The following ST8SIA6 variants were observed in gnomAD, a reference collection of about 807,000 sequenced individuals.
The protein encoded by ST8SIA6 is alpha-2,8-sialyltransferase 8F.
Under a neutral mutation model 33.6 loss-of-function variants are expected in ST8SIA6, and 39 were observed. The observed-to-expected ratio is 1.16, with a 90% CI of 0.90 to 1.52. ST8SIA6 has a LOEUF of 1.52. Among genes scored for constraint, ST8SIA6 ranks in the 40% most tolerant of loss-of-function variants. The probability of loss-of-function intolerance (pLI) is 0.00; values close to 1 mark genes in which losing one functional copy is unlikely to be tolerated. For synonymous variants in ST8SIA6, 172 were observed against 167.2 expected (o/e 1.03, Z -0.22); for missense variants, 441 against 443.8 (o/e 0.99, Z 0.06).
intron 6 of ST8SIA6, among the ~76,000 whole-genome samples, chr10:17,326,810 C>T (rs1848144997): frequency 6.6e-6 from 1 of 152,184 alleles, no homozygotes; most frequent in South Asian, 2.1e-4. Context: ...CATATATAAA[C>T]ATAGCACATT....
chr10:17,454,409 A>G lies in ST8SIA6; in HGVS notation c.-154T>C, dbSNP rs1314585274. On this transcript the variant is annotated 5_prime_UTR_variant, in exon 1 of 8. Coordinates refer to ENST00000377602, the MANE Select transcript of ST8SIA6 (RefSeq NM_001004470.3). This position sits in a 1 kb window ranked among gnomAD's most constrained non-coding sequence, Gnocchi z 4.1. ...ACAGGCGGCAGCGAGGGGCGCCCGC[A>G]GCCCACCCGGCAGAGTCTCCGCGGC... is the stretch of plus-strand genomic sequence containing the variant. 4 of 158,606 alleles carry G rather than the reference A, an allele frequency of 2.5e-5. No homozygotes were observed. The highest frequency in any genetic ancestry group is 4.8e-5 in the African/African-American group (2 of 41,368). 9.8% of individuals were successfully genotyped at this position (158,606 alleles called of 1,614,324 possible).
chr10:17,389,174 C>G (rs951576498), intron 3 of ST8SIA6, among the ~76,000 whole-genome samples: 5 of 152,146 alleles, frequency 3.3e-5, no homozygotes, highest in Admixed American at 2.6e-4. Flanking sequence ...GCCTACCCTC[C>G]AAATTATCTC....
intron 7 of ST8SIA6, 126 bp downstream of exon 7, chr10:17,322,939 T>G (rs188558427): frequency 1.7e-5 from 13 of 754,804 alleles, no homozygotes; most frequent in Non-Finnish European, 2.4e-5. Flanking sequence ...CTTATATATT[T>G]TTCCAAAAAC....
At chr10:17,371,777 C>A (rs1433669899) in intron 3 of ST8SIA6, among the ~76,000 whole-genome samples, 1 of 83,290 alleles carries the variant, frequency 1.2e-5, no homozygotes, top group Admixed American at 1.4e-4. Context: ...CAGAGCAAGA[C>A]TCCATTAAAA....
intron 4 of ST8SIA6, among the ~76,000 whole-genome samples, chr10:17,333,714 T>G (rs1374925023): frequency 5.0e-5 from 2 of 40,164 alleles, no homozygotes; most frequent in African/African-American, 1.9e-4. Context: ...TATATATATA[T>G]ATATTTTTTT....
chr10:17,322,430 A>G (rs575592994), intron 7 of ST8SIA6, among the ~76,000 whole-genome samples: 1 of 152,186 alleles, frequency 6.6e-6, no homozygotes, highest in South Asian at 2.1e-4. Flanking sequence ...TATAATCGTG[A>G]GTGTTTAGAA....
intron 2 of ST8SIA6, among the ~76,000 whole-genome samples, chr10:17,392,139 G>A (rs1850639622): frequency 6.6e-6 from 1 of 152,182 alleles, no homozygotes; most frequent in African/African-American, 2.4e-5. Flanking sequence ...TTCCCTAATG[G>A]AGCTTGCAGT....
chr10:17,344,763 AG>A (rs1251107279), intron 4 of ST8SIA6, among the ~76,000 whole-genome samples: 2 of 152,166 alleles, frequency 1.3e-5, no homozygotes, highest in Non-Finnish European at 2.9e-5. Flanking sequence ...CTCCCTCGCA[AG>A]GGCCAGGGAA....
chr10:17,371,318 C>T (rs1849723996), intron 3 of ST8SIA6, among the ~76,000 whole-genome samples: 1 of 152,048 alleles, frequency 6.6e-6, no homozygotes, highest in South Asian at 2.1e-4. Flanking sequence ...TACAAATCTG[C>T]AAAGAGGTTC....
chr10:17,349,040 G>C (rs1459490828), intron 4 of ST8SIA6, among the ~76,000 whole-genome samples: 1 of 152,184 alleles, frequency 6.6e-6, no homozygotes, highest in African/African-American at 2.4e-5. Flanking sequence ...GGAGGGACAA[G>C]CCACAGACAG....
chr10:17,422,192 TGAA>T (rs1300121047), intron 2 of ST8SIA6, among the ~76,000 whole-genome samples: 1 of 152,144 alleles, frequency 6.6e-6, no homozygotes, highest in Non-Finnish European at 1.5e-5. Flanking sequence ...AACTGAATAT[TGAA>T]GAGCAAAATA....
chr10:17,444,632 A>G (rs1384514966), intron 2 of ST8SIA6, among the ~76,000 whole-genome samples: 1 of 152,136 alleles, frequency 6.6e-6, no homozygotes, highest in African/African-American at 2.4e-5. Context: ...GTAGCCCTCT[A>G]CCTGGGCCAG....
chr10:17,323,727 T>C (rs1848037697), intron 6 of ST8SIA6, among the ~76,000 whole-genome samples: 1 of 152,176 alleles, frequency 6.6e-6, no homozygotes, highest in Non-Finnish European at 1.5e-5. Context: ...GGATAATAAC[T>C]TTTATAAGTA....
chr10:17,343,691 C>A (rs1324453775), intron 4 of ST8SIA6, among the ~76,000 whole-genome samples: 1 of 151,996 alleles, frequency 6.6e-6, no homozygotes, highest in Non-Finnish European at 1.5e-5. Context: ...CCACAGAAAC[C>A]AAGGATTATA....
chr10:17,415,645 T>C (rs11813969), intron 2 of ST8SIA6, among the ~76,000 whole-genome samples: 3,548 of 152,186 alleles, frequency 0.023, 144 homozygotes, highest in African/African-American at 0.081. Flanking sequence ...ATAATATATG[T>C]GTTAGCCTTT....
At chr10:17,329,552 C>G (rs1848232944) in intron 5 of ST8SIA6, among the ~76,000 whole-genome samples, 1 of 152,106 alleles carries the variant, frequency 6.6e-6, no homozygotes, top group South Asian at 2.1e-4. Flanking sequence ...CAGCCAGTAT[C>G]TACTAAATGG....
chr10:17,420,998 A>T (rs947059705), intron 2 of ST8SIA6, among the ~76,000 whole-genome samples: 1 of 152,108 alleles, frequency 6.6e-6, no homozygotes, highest in Non-Finnish European at 1.5e-5. Context: ...CGAGAACAGC[A>T]AGGGTGAAAT....
chr10:17,411,864 A>C lies in ST8SIA6; in HGVS notation c.201-21244T>G, dbSNP rs565407708. ...GGCAATGAGTTCTAATGAGTTTTTA[A>C]TGTTTCACACTTCATGATGAACATA... On this transcript the variant is annotated intron_variant, in intron 2 of 7. Coordinates refer to ENST00000377602, the MANE Select transcript of ST8SIA6 (RefSeq NM_001004470.3). Among the ~76,000 whole-genome samples, 27 of 152,220 alleles carry C rather than the reference A, an allele frequency of 1.8e-4. 1 individual carries two copies. In the East Asian group the frequency reaches 5.2e-3, roughly 29 times the overall value.
chr10:17,406,791 CT>C (rs1281929219), intron 2 of ST8SIA6, among the ~76,000 whole-genome samples: 7,427 of 114,466 alleles, frequency 0.065, 508 homozygotes, highest in African/African-American at 0.22. Flanking sequence ...GAGGGCTAAT[CT>C]TTTTTTTTTT....
Sources: gnomAD v4.1 joint callset for allele counts (sites outside exome capture counted in the v4.1 genomes callset) on GRCh38, gnomAD v4.1.1 for gene constraint, Gnocchi (gnomAD v3.1) non-coding constraint, MANE v1.5 for transcripts, NCBI Gene and HGNC (gene_info 2026-07-23, HGNC 2026-07-21) for gene names.